The following ARID1B variants were observed in gnomAD, a reference collection of about 807,000 sequenced individuals.
ARID1B encodes the protein AT-rich interactive domain-containing protein 1B.
Under a neutral mutation model 212.3 loss-of-function variants are expected in ARID1B, and 30 were observed. The ratio of observed to expected loss-of-function variants is 0.14; its 90% confidence interval spans 0.11 to 0.19. The LOEUF (loss-of-function observed/expected upper bound fraction) is 0.19, where lower values mean the gene tolerates loss of function less well. Ranked by LOEUF, ARID1B falls within the 10% of genes least tolerant of loss-of-function variation. ARID1B has a pLI of 1.00. For missense variants in ARID1B, 2,891 were observed against 3,204.0 expected, an observed-to-expected ratio of 0.90 and a Z score of 2.36; for synonymous variants, 1,402 against 1,301.7, an observed-to-expected ratio of 1.08 and a Z score of -1.66.
chr6:156,779,456 C>T lies in ARID1B; in HGVS notation c.1776C>T (p.Thr592=), dbSNP rs1163184862. 6 of 1,430,368 alleles carry T rather than the reference C, an allele frequency of 4.2e-6. No homozygotes were observed. The highest frequency in any genetic ancestry group is 2.7e-5 in the South Asian group (2 of 74,238). The allele number at this position is 1,430,368 out of a possible 1,614,324, so 88.6% of individuals were successfully genotyped here. ...PAMSPGTPGP[T]MGRSQGSPMD... ...TGAGCCCCGGCACCCCCGGACCGAC[C>T]ATGGGCAGATCCCAGGTAACCCTCG... Residue 592 remains threonine (T), a synonymous_variant, in exon 1 of 20, where the codon ACC becomes ACT. Coordinates refer to ENST00000636930, the MANE Select transcript of ARID1B (RefSeq NM_001374828.1).
intron 1 of ARID1B, among the ~76,000 whole-genome samples, chr6:156,819,489 C>T (rs1037515966): frequency 6.6e-6 from 1 of 152,168 alleles, no homozygotes; most frequent in Non-Finnish European, 1.5e-5. Context: ...CTTAGTCAGA[C>T]AGTAATTTAC....
intron 4 of ARID1B, among the ~76,000 whole-genome samples, chr6:157,054,381 C>T (rs919162483): frequency 6.6e-5 from 10 of 152,048 alleles, no homozygotes; most frequent in Non-Finnish European, 5.9e-5. Context: ...TCTTACTGCC[C>T]AATTAAATAT....
chr6:157,140,427 A>AC (rs1458817480), intron 7 of ARID1B, among the ~76,000 whole-genome samples: 2 of 152,184 alleles, frequency 1.3e-5, no homozygotes, highest in East Asian at 3.9e-4. Flanking sequence ...CCGAGATCAC[A>AC]CTACTACACT....
At chr6:156,960,005 A>C (rs533638540) in intron 4 of ARID1B, among the ~76,000 whole-genome samples, 1 of 143,574 alleles carries the variant, frequency 7.0e-6, no homozygotes, top group Non-Finnish European at 1.5e-5. Flanking sequence ...ATCTTGGCTC[A>C]TTGCAACCTC....
At position 156,818,942 on chromosome 6, in the gene ARID1B, T is replaced by A. The variant is rs111668439; in HGVS notation, c.1792-10285T>A. Among the ~76,000 whole-genome samples the A allele has an allele frequency of 1.9e-3, 284 of 146,610 alleles. 1 individual carries two copies. Among genetic ancestry groups the A allele is most frequent in the African/African-American group, 5.0e-3 (202 of 40,210 alleles). ...ATGATGATAATAAAATCTATCCTTT[T>A]AAAAAAAAAAAAACCTGTTATGTAC... is the stretch of plus-strand genomic sequence containing the variant. On this transcript the variant is annotated intron_variant, in intron 1 of 19. Transcript: ENST00000636930.
At chr6:156,822,809 C>A (rs1228198694) in intron 1 of ARID1B, among the ~76,000 whole-genome samples, 1 of 152,032 alleles carries the variant, frequency 6.6e-6, no homozygotes, top group Non-Finnish European at 1.5e-5. Flanking sequence ...GGAGTGGGCG[C>A]CCACTGCCCA....
At chr6:156,895,856 C>T (rs1207092344) in intron 2 of ARID1B, among the ~76,000 whole-genome samples, 2 of 152,154 alleles carry the variant, frequency 1.3e-5, no homozygotes, top group African/African-American at 4.8e-5. Flanking sequence ...GAAGCCACGC[C>T]CCATAATCCC....
intron 1 of ARID1B, among the ~76,000 whole-genome samples, chr6:156,801,412 G>T (rs1283289394): frequency 6.6e-6 from 1 of 151,844 alleles, no homozygotes; most frequent in African/African-American, 2.4e-5. Context: ...TCTTGGCTGG[G>T]CTGGTCTTGA....
intron 2 of ARID1B, among the ~76,000 whole-genome samples, chr6:156,858,980 G>GTACA (rs1374297628): frequency 6.6e-6 from 1 of 152,102 alleles, no homozygotes; most frequent in African/African-American, 2.4e-5. Context: ...GGGCATTACT[G>GTACA]TACACTACTG....
At chr6:157,052,497 A>G (rs143967686) in intron 4 of ARID1B, among the ~76,000 whole-genome samples, 2 of 152,338 alleles carry the variant, frequency 1.3e-5, no homozygotes, top group East Asian at 3.9e-4. Flanking sequence ...GAAGTTTCCT[A>G]TGGATATTTT....
At chr6:156,857,434 A>C (rs287912) in intron 2 of ARID1B, among the ~76,000 whole-genome samples, 105,566 of 151,848 alleles carry the variant, frequency 0.7, 37,829 homozygotes, top group African/African-American at 0.87. Context: ...CCTGGTGTGT[A>C]CTTGGCCTGG....
At chr6:157,083,344 C>T (rs146193461) in intron 4 of ARID1B, among the ~76,000 whole-genome samples, 203 of 152,326 alleles carry the variant, frequency 1.3e-3, no homozygotes, top group African/African-American at 4.4e-3. Context: ...TGTAACTCAG[C>T]CTTGAGAACT....
At chr6:157,104,731 G>A (rs566834577) in intron 5 of ARID1B, among the ~76,000 whole-genome samples, 19 of 152,260 alleles carry the variant, frequency 1.2e-4, no homozygotes, top group Non-Finnish European at 8.8e-5. Flanking sequence ...AGAAACTAAA[G>A]AAGACTTAAG....
intron 6 of ARID1B, among the ~76,000 whole-genome samples, chr6:157,123,247 C>CCCCCCCCCCCCCCCCCCCCCCA (rs1554299918): frequency 8.9e-6 from 1 of 111,766 alleles, no homozygotes; most frequent in Non-Finnish European, 1.8e-5. Flanking sequence ...CGCCCCCCCC[C>CCCCCCCCCCCCCCCCCCCCCCA]CACACACACA....
At chr6:157,202,329 T>G (rs551305797) in intron 18 of ARID1B, among the ~76,000 whole-genome samples, 1 of 152,240 alleles carries the variant, frequency 6.6e-6, no homozygotes, top group African/African-American at 2.4e-5. Flanking sequence ...TTAGGAAAAA[T>G]TACTCAAAAA....
At chr6:156,910,010 C>T (rs1789737085) in intron 3 of ARID1B, among the ~76,000 whole-genome samples, 1 of 152,248 alleles carries the variant, frequency 6.6e-6, no homozygotes, top group African/African-American at 2.4e-5. Context: ...GAGCACAACA[C>T]ATGCTGGTGA....
chr6:157,007,163 C>T (rs1197009669), intron 4 of ARID1B, among the ~76,000 whole-genome samples: 4 of 152,154 alleles, frequency 2.6e-5, no homozygotes, highest in Admixed American at 6.5e-5. Flanking sequence ...ATGGAAGGGA[C>T]GTAATTTAAT....
At chr6:157,065,756 G>A (rs73581992) in intron 4 of ARID1B, among the ~76,000 whole-genome samples, 11,194 of 152,234 alleles carry the variant, frequency 0.074, 1,372 homozygotes, top group African/African-American at 0.25. Context: ...AAATAAGACC[G>A]TAAGGATTTG....
intron 3 of ARID1B, among the ~76,000 whole-genome samples, chr6:156,908,805 AAGG>A (rs1198657248): frequency 6.6e-6 from 1 of 151,972 alleles, no homozygotes; most frequent in Non-Finnish European, 1.5e-5. Context: ...GTTTCCTCAG[AAGG>A]ATTGATTGGT....
Sources: gnomAD v4.1 joint callset for allele counts (sites outside exome capture counted in the v4.1 genomes callset) on GRCh38, gnomAD v4.1.1 for gene constraint, MANE v1.5 for transcripts, NCBI Gene and HGNC (gene_info 2026-07-23, HGNC 2026-07-21) for gene names.